The following VIPR2 variants were observed in gnomAD, a reference collection of about 807,000 sequenced individuals.
VIPR2 encodes the protein vasoactive intestinal polypeptide receptor 2.
A neutral mutation model predicts 58.0 loss-of-function variants in VIPR2; 48 were observed. The ratio of observed to expected loss-of-function variants is 0.83; its 90% CI spans 0.66 to 1.05. VIPR2 has a LOEUF of 1.05. Among genes scored for constraint, VIPR2 ranks in the 50% least tolerant of loss-of-function variants. The pLI, the probability that VIPR2 is intolerant of heterozygous loss-of-function variation, is 0.00. For synonymous variants in VIPR2, 243 were observed against 235.2 expected (o/e 1.03, Z -0.30); for missense variants, 534 against 558.0 (o/e 0.96, Z 0.43).
rs1373286523 is a variant in VIPR2, at chr7:159,127,390, A to G, written c.151+15056T>C. On this transcript the variant is annotated intron_variant, in intron 2 of 12. Coordinates refer to ENST00000262178, the MANE Select transcript of VIPR2 (RefSeq NM_003382.5). This position sits in a 1 kb window ranked among gnomAD's most constrained non-coding sequence, Gnocchi z 4.6. ...GAACAAACATTAAACCCACAACTCC[A>G]AATCCAGAAATAACCAAAACTATTA... 6.6e-6 allele frequency among the ~76,000 whole-genome samples: 1 copy of G among 152,218 alleles called. No homozygotes were observed. Among genetic ancestry groups the G allele is most frequent in the Non-Finnish European group, 1.5e-5 (1 of 68,044 alleles).
At position 159,093,848 on chromosome 7, in the gene VIPR2, T is replaced by A. The variant is rs1185788129; in HGVS notation, c.357+9909A>T. Among the ~76,000 whole-genome samples the A allele has an allele frequency of 6.6e-6, 1 of 152,084 alleles. No individual in the cohort carries two copies. The highest frequency in any genetic ancestry group is 1.5e-5 in the Non-Finnish European group (1 of 68,012). ...CGGACATGGGAGAGGCCCCGCAGTG[T>A]CCCTGAGTCTCCTGGACAGCGGCCA... is the stretch of plus-strand genomic sequence containing the variant. On this transcript the variant is annotated intron_variant, in intron 4 of 12. Coordinates refer to ENST00000262178, the MANE Select transcript of VIPR2 (RefSeq NM_003382.5). The surrounding 1 kb of genome is among the most constrained non-coding windows in gnomAD (Gnocchi z 6.7).
At chr7:159,047,254 A>C (rs1286820936) in intron 5 of VIPR2, among the ~76,000 whole-genome samples, 2 of 152,312 alleles carry the variant, frequency 1.3e-5, no homozygotes, top group East Asian at 3.9e-4. Flanking sequence ...CAAACAAACA[A>C]ACAAAAAAAC....
At chr7:159,034,357 C>G in intron 9 of VIPR2, 53 bp from the exon 10 acceptor site, 1 of 1,579,570 alleles carries the variant, frequency 6.3e-7, no homozygotes, top group Non-Finnish European at 8.7e-7. Flanking sequence ...CCTAATTTGC[C>G]CTGAAGTCCA....
At chr7:159,083,153 C>T (rs1370968910) in intron 4 of VIPR2, among the ~76,000 whole-genome samples, 1 of 152,194 alleles carries the variant, frequency 6.6e-6, no homozygotes, top group Non-Finnish European at 1.5e-5. Flanking sequence ...ACTCCACTTG[C>T]CTGTCACACA....
intron 4 of VIPR2, among the ~76,000 whole-genome samples, chr7:159,075,712 G>A (rs1371521006): frequency 6.7e-6 from 1 of 150,210 alleles, no homozygotes; most frequent in South Asian, 2.1e-4. Flanking sequence ...CTGCATCAAT[G>A]AGTAGCCCAG....
rs1858070556 is a variant in VIPR2, at chr7:159,099,401, C to A, written c.357+4356G>T. On this transcript the variant is annotated intron_variant, in intron 4 of 12. Transcript: ENST00000262178. The surrounding 1 kb of genome is among the most constrained non-coding windows in gnomAD (Gnocchi z 4.2). ...GAGCTTGCCACGTGTCCCTGGGATG[C>A]CTCACAGGGTGTGCCCAGGAGGAGA... is the stretch of plus-strand genomic sequence containing the variant. Among the ~76,000 whole-genome samples, 1 of 152,128 alleles carries A rather than the reference C, an allele frequency of 6.6e-6. No individual in the cohort carries two copies. The highest frequency in any genetic ancestry group is 1.5e-5 in the Non-Finnish European group (1 of 68,032).
At chr7:159,058,656 C>T in intron 4 of VIPR2, 78 bp from the exon 5 acceptor site, 2 of 1,114,876 alleles carry the variant, frequency 1.8e-6, no homozygotes, top group Non-Finnish European at 2.7e-6. Context: ...CAGGATCCAG[C>T]CCTGTGCTCT....
rs545175991 is a variant in VIPR2 at position 159,098,756 on chromosome 7, G to T, written c.357+5001C>A. On this transcript the variant is annotated intron_variant, in intron 4 of 12. Coordinates refer to ENST00000262178, the MANE Select transcript of VIPR2 (RefSeq NM_003382.5). This position sits in a 1 kb window ranked among gnomAD's most constrained non-coding sequence, Gnocchi z 5.2. ...TCTGTGGAGGCTAATTTTTTTTCTC[G>T]AATTTAATTAATTTCGAAAACAATA... Among the ~76,000 whole-genome samples, 2 of 152,062 alleles carry T rather than the reference G, an allele frequency of 1.3e-5. No individual in the cohort carries two copies. The highest frequency in any genetic ancestry group is 4.8e-5 in the African/African-American group (2 of 41,382).
chr7:159,094,353 A>T (rs924337245), intron 4 of VIPR2, among the ~76,000 whole-genome samples: 1 of 152,210 alleles, frequency 6.6e-6, no homozygotes, highest in African/African-American at 2.4e-5. Context: ...GCCCAAGGAA[A>T]GTTGAGCCCA....
chr7:159,058,455 C>T (rs1355459911), intron 5 of VIPR2, 26 bp downstream of exon 5: 2 of 1,594,038 alleles, frequency 1.3e-6, no homozygotes, highest in South Asian at 1.1e-5. Context: ...GTATTCTTTG[C>T]AGAATTACTA....
intron 6 of VIPR2, 61 bp from the exon 7 acceptor site, chr7:159,036,963 C>T (rs1448203344): frequency 3.8e-6 from 6 of 1,562,088 alleles, no homozygotes; most frequent in Non-Finnish European, 5.2e-6. Context: ...CAGCTACCAG[C>T]AGGCAGTGCC....
intron 4 of VIPR2, among the ~76,000 whole-genome samples, chr7:159,062,457 T>C (rs1282138382): frequency 6.6e-6 from 1 of 152,210 alleles, no homozygotes; most frequent in Non-Finnish European, 1.5e-5. Context: ...ATTCGCGGTC[T>C]CGCTGGCTTC....
In VIPR2 at chr7:159,128,812, C is replaced by T. The variant is rs906515796; in HGVS notation, c.151+13634G>A. Among the ~76,000 whole-genome samples the T allele has an allele frequency of 5.3e-5, 8 of 152,226 alleles. No homozygotes were observed. The East Asian group carries it at 1.3e-3, about 26-fold the overall frequency. ...GGAGCCTTCAGTGGTCTCAGCTCTG[C>T]AGGTTGGGCACGCTAACTGCTCTTC... On this transcript the variant is annotated intron_variant, in intron 2 of 12. Coordinates refer to ENST00000262178, the MANE Select transcript of VIPR2 (RefSeq NM_003382.5). The surrounding 1 kb of genome is among the most constrained non-coding windows in gnomAD (Gnocchi z 4.1).
At position 159,096,849 on chromosome 7, in the gene VIPR2, G is replaced by A. The variant is rs530352260; in HGVS notation, c.357+6908C>T. The A allele has an allele frequency of 1.7e-5, 26 of 1,521,306 alleles. No homozygotes were observed. The East Asian group carries it at 2.7e-4, about 16-fold the overall frequency. 94.2% of individuals were successfully genotyped at this position (1,521,306 alleles called of 1,614,324 possible). ...TCCCGGCCCACCTCGGGATGCTTCC[G>A]CCGTACTGTGTCCATGGCTGAGACC... On this transcript the variant is annotated intron_variant, in intron 4 of 12. Coordinates refer to ENST00000262178, the MANE Select transcript of VIPR2 (RefSeq NM_003382.5). The surrounding 1 kb of genome is among the most constrained non-coding windows in gnomAD (Gnocchi z 5.5).
chr7:159,076,947 G>C (rs1426695500), intron 4 of VIPR2, among the ~76,000 whole-genome samples: 2 of 152,162 alleles, frequency 1.3e-5, no homozygotes, highest in African/African-American at 2.4e-5. Context: ...GCTTAGCCTG[G>C]AGTGGCTTTT....
At chr7:159,088,753 A>C (rs1423345499) in intron 4 of VIPR2, among the ~76,000 whole-genome samples, 2 of 152,260 alleles carry the variant, frequency 1.3e-5, no homozygotes, top group African/African-American at 2.4e-5. Flanking sequence ...TCCGGAGTCC[A>C]TTCAGCTACT....
intron 3 of VIPR2, among the ~76,000 whole-genome samples, chr7:159,107,556 C>T (rs541936492): frequency 1.2e-4 from 18 of 152,282 alleles, no homozygotes; most frequent in African/African-American, 3.4e-4. Context: ...AAGTCCAGCC[C>T]GGGTGGGAAG....
intron 2 of VIPR2, among the ~76,000 whole-genome samples, chr7:159,124,797 A>G (rs1585546949): frequency 1.3e-5 from 2 of 151,946 alleles, no homozygotes; most frequent in East Asian, 3.9e-4. Flanking sequence ...TGTTTGTGTC[A>G]CCTCTGATTT....
chr7:159,128,202 G>A lies in VIPR2; in HGVS notation c.151+14244C>T, dbSNP rs969248939. 9.2e-5 allele frequency among the ~76,000 whole-genome samples: 14 copies of A among 152,080 alleles called. No individual in the cohort carries two copies. Among genetic ancestry groups the A allele is most frequent in the Admixed American group, 7.2e-4 (11 of 15,280 alleles). ...AGTCAGGGCCAGCAGCTGTGCCCAG[G>A]GTCCACAGAACGGCCGGCCATGGTG... On this transcript the variant is annotated intron_variant, in intron 2 of 12. Transcript: ENST00000262178. The surrounding 1 kb of genome is among the most constrained non-coding windows in gnomAD (Gnocchi z 4.1).
Sources: gnomAD v4.1 joint callset for allele counts (sites outside exome capture counted in the v4.1 genomes callset) on GRCh38, gnomAD v4.1.1 for gene constraint, Gnocchi (gnomAD v3.1) non-coding constraint, MANE v1.5 for transcripts, NCBI Gene and HGNC (gene_info 2026-07-23, HGNC 2026-07-21) for gene names.